Variants in PCDH15 observed in about 807,000 individuals in gnomAD.
PCDH15 encodes the protein protocadherin related 15.
In PCDH15, 129 loss-of-function variants were observed where a neutral mutation model predicts 178.5. The ratio of observed to expected loss-of-function variants is 0.72; its 90% CI spans 0.63 to 0.84. The LOEUF (loss-of-function observed/expected upper bound fraction) is 0.84, where lower values mean the gene tolerates loss of function less well. Ranked by LOEUF, PCDH15 falls within the 40% of genes least tolerant of loss-of-function variation. PCDH15 has a pLI of 0.00. For missense variants in PCDH15, 2,230 were observed against 2,099.9 expected, an observed-to-expected ratio of 1.06 and a Z score of -1.21; for synonymous variants, 800 against 732.0, an observed-to-expected ratio of 1.09 and a Z score of -1.50.
At chr10:55,476,419 T>C (rs1239732755) in intron 2 of PCDH15, among the ~76,000 whole-genome samples, 1 of 152,018 alleles carries the variant, frequency 6.6e-6, no homozygotes, top group Admixed American at 6.6e-5. Context: ...CAACACTAGA[T>C]TCATGTTCTT....
At chr10:55,315,251 A>G (rs899987745) in intron 1 of PCDH15, among the ~76,000 whole-genome samples, 1 of 152,216 alleles carries the variant, frequency 6.6e-6, no homozygotes, top group Non-Finnish European at 1.5e-5. Context: ...TTCTTAGACT[A>G]TATTATAAAA....
intron 2 of PCDH15, among the ~76,000 whole-genome samples, chr10:55,059,203 T>C (rs914294570): frequency 6.6e-6 from 1 of 151,980 alleles, no homozygotes; most frequent in Admixed American, 6.6e-5. Context: ...TGTGACTATA[T>C]AAAAAAAGGA....
intron 2 of PCDH15, among the ~76,000 whole-genome samples, chr10:55,009,820 T>C (rs1052064636): frequency 6.6e-6 from 1 of 152,288 alleles, no homozygotes; most frequent in East Asian, 1.9e-4. Flanking sequence ...ATTAATTGTC[T>C]TCTAATGGGT....
At chr10:55,509,649 AAT>A (rs772039025) in intron 2 of PCDH15, among the ~76,000 whole-genome samples, 71 of 151,996 alleles carry the variant, frequency 4.7e-4, no homozygotes, top group Non-Finnish European at 8.0e-4. Flanking sequence ...CATCGAAATT[AAT>A]ATGTCATGAT....
intron 22 of PCDH15, among the ~76,000 whole-genome samples, chr10:53,960,634 G>C (rs2610910): frequency 0.78 from 118,247 of 152,096 alleles, 46,296 homozygotes; most frequent in East Asian, 1. Flanking sequence ...AATATAAATT[G>C]TTTTGGAAGC....
At chr10:53,903,508 C>T (rs2133670981) in intron 25 of PCDH15, 138 bp from the exon 26 acceptor site, 1 of 912,860 alleles carries the variant, frequency 1.1e-6, no homozygotes, top group Non-Finnish European at 1.7e-6. Flanking sequence ...CCATGCCTAG[C>T]ACCCCCAAAT....
chr10:55,074,062 A>ACG (rs1455515031), intron 2 of PCDH15, among the ~76,000 whole-genome samples: 124 of 151,906 alleles, frequency 8.2e-4, no homozygotes, highest in Non-Finnish European at 1.5e-3. Context: ...CTATGGCTGC[A>ACG]TAGTATTCCA....
intron 2 of PCDH15, among the ~76,000 whole-genome samples, chr10:55,420,800 A>G (rs1409491790): frequency 6.6e-6 from 1 of 151,744 alleles, no homozygotes; most frequent in Non-Finnish European, 1.5e-5. Flanking sequence ...TCAACTACAA[A>G]TCAGTATTTA....
chr10:55,409,405 A>G (rs2132033477), intron 2 of PCDH15, among the ~76,000 whole-genome samples: 1 of 152,312 alleles, frequency 6.6e-6, no homozygotes, highest in Non-Finnish European at 1.5e-5. Context: ...CACTCAAAAC[A>G]TATGCAGAAT....
intron 1 of PCDH15, among the ~76,000 whole-genome samples, chr10:55,310,379 A>C (rs1220052982): frequency 6.6e-6 from 1 of 152,196 alleles, no homozygotes; most frequent in Non-Finnish European, 1.5e-5. Context: ...GTGGAAGTAA[A>C]TGAATTTGAT....
intron 13 of PCDH15, among the ~76,000 whole-genome samples, chr10:54,174,702 C>CTTTTTTTTTTTTTTTTTTTTTTTTTCTT (rs1169302544): frequency 1.1e-4 from 9 of 84,054 alleles, no homozygotes; most frequent in South Asian, 4.5e-4. Context: ...TTTTTCTTTT[C>CTTTTTTTTTTTTTTTTTTTTTTTTTCTT]TTTTTTTTTT....
intron 5 of PCDH15, among the ~76,000 whole-genome samples, chr10:54,366,398 T>G (rs911923799): frequency 2.6e-5 from 4 of 152,066 alleles, no homozygotes; most frequent in Non-Finnish European, 4.4e-5. Context: ...AAAAATACCT[T>G]GCAATCTTGC....
At chr10:54,132,850 C>CAT in intron 15 of PCDH15, 25 bp downstream of exon 15, 1 of 1,597,138 alleles carries the variant, frequency 6.3e-7, no homozygotes, top group Non-Finnish European at 8.5e-7. Flanking sequence ...TACACACACA[C>CAT]ACACACACAC....
chr10:54,619,109 A>G (rs1195279440), intron 2 of PCDH15: 1 of 151,968 alleles, frequency 6.6e-6, no homozygotes, highest in African/African-American at 2.4e-5. Context: ...AAGAACCTGA[A>G]AACATCTTAC....
At chr10:55,098,993 G>A (rs1842514886) in intron 2 of PCDH15, among the ~76,000 whole-genome samples, 1 of 150,032 alleles carries the variant, frequency 6.7e-6, no homozygotes, top group African/African-American at 2.5e-5. Context: ...TCACTCTCTT[G>A]TGTGTTGCGT....
chr10:55,582,612 A>ATT, intron 2 of PCDH15, among the ~76,000 whole-genome samples: 1 of 88,696 alleles, frequency 1.1e-5, no homozygotes, highest in Non-Finnish European at 2.0e-5. Context: ...ATATATATAT[A>ATT]TATATATATA....
At chr10:54,019,160 C>T (rs2092834060) in intron 20 of PCDH15, among the ~76,000 whole-genome samples, 1 of 152,022 alleles carries the variant, frequency 6.6e-6, no homozygotes, top group Admixed American at 6.6e-5. Flanking sequence ...GAAAAAAACA[C>T]TTTAAATAAG....
At chr10:54,170,588 G>A (rs1590935332) in intron 13 of PCDH15, among the ~76,000 whole-genome samples, 1 of 150,988 alleles carries the variant, frequency 6.6e-6, no homozygotes, top group South Asian at 2.1e-4. Flanking sequence ...AATTACCGTC[G>A]TTCTTGACCC....
At chr10:55,376,467 A>C (rs1460669768) in intron 2 of PCDH15, among the ~76,000 whole-genome samples, 1 of 152,070 alleles carries the variant, frequency 6.6e-6, no homozygotes, top group East Asian at 1.9e-4. Flanking sequence ...TTTTAAAGCA[A>C]TGATTTCTTT....
Sources: gnomAD v4.1 joint callset for allele counts (sites outside exome capture counted in the v4.1 genomes callset) on GRCh38, gnomAD v4.1.1 for gene constraint, MANE v1.5 for transcripts, NCBI Gene and HGNC (gene_info 2026-07-23, HGNC 2026-07-21) for gene names.